MYLK3: variants seen among roughly 807,000 people sequenced by gnomAD.
The protein encoded by MYLK3 is MLC kinase.
Under a neutral mutation model 76.3 loss-of-function variants are expected in MYLK3, and 55 were observed. The observed-to-expected ratio is 0.72, with a 90% confidence interval of 0.58 to 0.90. The LOEUF (loss-of-function observed/expected upper bound fraction) is 0.90. Among genes scored for constraint, MYLK3 ranks in the 40% least tolerant of loss-of-function variants. MYLK3 has a pLI of 0.00. For missense variants in MYLK3, 973 were observed against 1,053.6 expected (o/e 0.92, Z 1.06); for synonymous variants, 416 against 425.4 (o/e 0.98, Z 0.27).
In MYLK3 at chr16:46,730,699, C is replaced by T. The variant is rs1966850919; in HGVS notation, c.1463-1G>A. 1 of 1,613,790 alleles carries T rather than the reference C, an allele frequency of 6.2e-7. No homozygotes were observed. The highest frequency in any genetic ancestry group is 1.7e-5 in the Admixed American group (1 of 60,004). ...GGAGCTGGTGGGGCCGGACTGTCAT[C>T]TGCTCAGGAGGCAATAAGGACCTGT... On this transcript the variant is annotated splice_acceptor_variant, in intron 4 of 12. Transcript: ENST00000394809. LOFTEE classifies it high-confidence loss of function.
Position 46,710,650 on chromosome 16 carries a change from C to T in MYLK3, c.2254G>A (p.Val752Ile). The change falls in exon 11 of 13, where the codon GTC becomes ATC. Residue 752 changes from valine to isoleucine, a missense_variant. Physicochemically the swap from Val to Ile is conservative, Grantham distance 29. Transcript: ENST00000394809. ...EAKDFVSRLL[V>I]KEKSCRMSAT... ...AATGAAAGGTACCTCTTCTCTTTGACCAGCAACCGGGAAACAAAGTCCTTG... is the reference window on the plus strand; with the variant it reads ...AATGAAAGGTACCTCTTCTCTTTGATCAGCAACCGGGAAACAAAGTCCTTG... 1 of 1,614,172 alleles carries T rather than the reference C, an allele frequency of 6.2e-7. No homozygotes were observed.
At chr16:46,727,196 A>G (rs1966844391) in intron 8 of MYLK3, 40 bp downstream of exon 8, 2 of 1,599,988 alleles carry the variant, frequency 1.3e-6, no homozygotes, top group Admixed American at 1.7e-5. Flanking sequence ...AGGAGCTAGG[A>G]CACCAGGGGC....
intron 8 of MYLK3, among the ~76,000 whole-genome samples, chr16:46,723,502 T>A (rs1966819382): frequency 6.6e-6 from 1 of 152,244 alleles, no homozygotes; most frequent in Non-Finnish European, 1.5e-5. Flanking sequence ...CTCTTAGGGG[T>A]ATAGCTAGGA....
At chr16:46,734,361 C>G (rs1226315748) in intron 3 of MYLK3, among the ~76,000 whole-genome samples, 3 of 152,154 alleles carry the variant, frequency 2.0e-5, no homozygotes, top group Admixed American at 6.6e-5. Context: ...CATCTGTAAT[C>G]CCAGCGCTTT....
intron 9 of MYLK3, among the ~76,000 whole-genome samples, chr16:46,719,804 G>A (rs1272257485): frequency 6.6e-6 from 1 of 152,126 alleles, no homozygotes; most frequent in Non-Finnish European, 1.5e-5. Context: ...TGGGTAGTGT[G>A]GCACCCCTGG....
At chr16:46,720,558 T>C (rs1966788951) in intron 9 of MYLK3, among the ~76,000 whole-genome samples, 1 of 152,154 alleles carries the variant, frequency 6.6e-6, no homozygotes, top group Non-Finnish European at 1.5e-5. Flanking sequence ...ATAGGATGGG[T>C]CCACACTGTC....
At chr16:46,738,852 A>T (rs1445247743) in intron 2 of MYLK3, among the ~76,000 whole-genome samples, 1 of 152,092 alleles carries the variant, frequency 6.6e-6, no homozygotes, top group African/African-American at 2.4e-5. Context: ...TTTGTTTTTT[A>T]TTTTTGAGAC....
intron 3 of MYLK3, among the ~76,000 whole-genome samples, chr16:46,732,908 G>T (rs973199653): frequency 6.6e-6 from 1 of 152,222 alleles, no homozygotes; most frequent in Non-Finnish European, 1.5e-5. Flanking sequence ...ACACCCCTGA[G>T]AACCTGCTTC....
chr16:46,747,979 G>A lies in MYLK3; in HGVS notation c.215C>T (p.Ala72Val). The change falls in exon 1 of 13, where the codon GCA becomes GTA. Residue 72 changes from alanine (A) to valine (V), a missense_variant. Coordinates refer to ENST00000394809, the MANE Select transcript of MYLK3 (RefSeq NM_182493.3). Reference sequence around the variant, plus strand: ...CCCATCAGCCCCGCCCGGGCCCGGTGCCCGGGAGGCCTCCAGCCTGTGCAG... The same window carrying A: ...CCCATCAGCCCCGCCCGGGCCCGGTACCCGGGAGGCCTCCAGCCTGTGCAG... ...RGLHRLEASR[A>V]PGPGGADGVP... 1 of 1,613,172 alleles carries A rather than the reference G, an allele frequency of 6.2e-7. No homozygotes were observed. Among genetic ancestry groups the A allele is most frequent in the Non-Finnish European group, 8.5e-7 (1 of 1,179,886 alleles).
rs1241053473 is a variant in MYLK3, at chr16:46,732,646, T to A, written c.1024A>T (p.Met342Leu). 1 of 1,535,810 alleles carries A rather than the reference T, an allele frequency of 6.5e-7. No homozygotes were observed. Among genetic ancestry groups the A allele is most frequent in the African/African-American group, 1.4e-5 (1 of 72,960 alleles). Residue 342 changes from methionine to leucine, a missense_variant, in exon 4 of 13, where the codon ATG becomes TTG. Physicochemically the swap from Met to Leu is conservative, Grantham distance 15 (BLOSUM62 2). Transcript: ENST00000394809. Reference protein sequence around the residue: ...PPRISIHIQEMDTPGEMLMTG... With the variant: ...PPRISIHIQELDTPGEMLMTG... Reference sequence around the variant, plus strand: ...ATCAGCATCTCCCCAGGAGTATCCATCTCTTGTATGTGGATGGAGATCCTG... The same window carrying A: ...ATCAGCATCTCCCCAGGAGTATCCAACTCTTGTATGTGGATGGAGATCCTG...
chr16:46,738,865 A>G (rs1966887950), intron 2 of MYLK3, among the ~76,000 whole-genome samples: 1 of 152,148 alleles, frequency 6.6e-6, no homozygotes, highest in South Asian at 2.1e-4. Flanking sequence ...TTTGAGACAG[A>G]GTCTTGCTCT....
chr16:46,737,521 T>G (rs778995364), intron 3 of MYLK3, among the ~76,000 whole-genome samples, 190 bp downstream of exon 3: 16 of 152,204 alleles, frequency 1.1e-4, no homozygotes, highest in Admixed American at 2.6e-4. Flanking sequence ...CTCCCCCCAG[T>G]TATTTCTAGT....
intron 1 of MYLK3, among the ~76,000 whole-genome samples, chr16:46,760,190 C>T (rs534690408): frequency 1.3e-5 from 2 of 152,324 alleles, no homozygotes; most frequent in South Asian, 2.1e-4. Context: ...AGGGAGAGTC[C>T]GCACGAAGCT....
chr16:46,728,533 C>A (rs957124311), intron 7 of MYLK3, among the ~76,000 whole-genome samples: 1 of 151,970 alleles, frequency 6.6e-6, no homozygotes, highest in Non-Finnish European at 1.5e-5. Flanking sequence ...CCAGCCTGGG[C>A]GACATAGCAA....
intron 8 of MYLK3, among the ~76,000 whole-genome samples, chr16:46,725,264 A>G (rs1242715384): frequency 6.6e-6 from 1 of 152,144 alleles, no homozygotes; most frequent in Non-Finnish European, 1.5e-5. Flanking sequence ...CCCAATCTGA[A>G]TGCCTTTTAT....
At chr16:46,751,644 G>A (rs1426966421), upstream of MYLK3, among the ~76,000 whole-genome samples, 2 of 152,160 alleles carry the variant, frequency 1.3e-5, no homozygotes, top group African/African-American at 2.4e-5. Context: ...TGAGCAGACC[G>A]TCCTGAGACT....
At chr16:46,758,969 A>C (rs40355) in intron 1 of MYLK3, among the ~76,000 whole-genome samples, 119,406 of 152,188 alleles carry the variant, frequency 0.78, 47,929 homozygotes, top group East Asian at 1. Flanking sequence ...CATCCTGGCC[A>C]TACAGAAAGA....
At chr16:46,728,597 T>C (rs1966846749) in intron 7 of MYLK3, among the ~76,000 whole-genome samples, 1 of 152,196 alleles carries the variant, frequency 6.6e-6, no homozygotes, top group African/African-American at 2.4e-5. Flanking sequence ...GGCACACGCC[T>C]GTGGTCACAG....
chr16:46,746,355 G>A (rs36469), intron 1 of MYLK3, among the ~76,000 whole-genome samples: 3,367 of 152,216 alleles, frequency 0.022, 77 homozygotes, highest in African/African-American at 0.055. Flanking sequence ...ATTTTGATCC[G>A]AGATTTGATT....
Sources: gnomAD v4.1 joint callset for allele counts (sites outside exome capture counted in the v4.1 genomes callset) on GRCh38, gnomAD v4.1.1 for gene constraint, MANE v1.5 for transcripts, NCBI Gene and HGNC (gene_info 2026-07-23, HGNC 2026-07-21) for gene names.